LRMDA: variants seen among roughly 807,000 people sequenced by gnomAD.
The protein encoded by LRMDA is leucine rich melanocyte differentiation associated, also known as leucine-rich melanocyte differentiation-associated protein.
Under a neutral mutation model 29.8 loss-of-function variants are expected in LRMDA, and 18 were observed. The ratio of observed to expected loss-of-function variants is 0.60; its 90% CI spans 0.42 to 0.90. The LOEUF is 0.90. Ranked by LOEUF, LRMDA falls within the 40% of genes least tolerant of loss-of-function variation. The probability of loss-of-function intolerance (pLI) is 0.00; values close to 1 mark genes in which losing one functional copy is unlikely to be tolerated. For missense variants in LRMDA, 273 were observed against 273.9 expected (o/e 1.00, Z 0.02); for synonymous variants, 125 against 109.4 (o/e 1.14, Z -0.89).
intron 2 of LRMDA, among the ~76,000 whole-genome samples, chr10:75,856,304 G>A (rs1463386766): frequency 2.6e-5 from 4 of 152,022 alleles, no homozygotes; most frequent in African/African-American, 7.2e-5. Flanking sequence ...TGGATTCCTA[G>A]GTATTTTATT....
At chr10:76,426,062 T>TA (rs1441309532) in intron 6 of LRMDA, among the ~76,000 whole-genome samples, 1 of 152,206 alleles carries the variant, frequency 6.6e-6, no homozygotes, top group African/African-American at 2.4e-5. Context: ...CAAATAAACA[T>TA]ACGTGTGCAT....
intron 5 of LRMDA, among the ~76,000 whole-genome samples, chr10:76,084,345 G>A (rs1298065430): frequency 2.1e-5 from 3 of 144,560 alleles, no homozygotes; most frequent in African/African-American, 7.7e-5. Flanking sequence ...TTATGGGTAT[G>A]TGCCACTGCG....
intron 5 of LRMDA, among the ~76,000 whole-genome samples, chr10:76,075,602 C>T (rs570621244): frequency 2.0e-5 from 3 of 152,354 alleles, no homozygotes; most frequent in Non-Finnish European, 4.4e-5. Context: ...CAGCATCTAC[C>T]ATACTGAGCA....
At chr10:76,294,317 T>C (rs529835237) in intron 5 of LRMDA, among the ~76,000 whole-genome samples, 69 of 152,266 alleles carry the variant, frequency 4.5e-4, no homozygotes, top group African/African-American at 1.6e-3. Flanking sequence ...GCTTTGCTGA[T>C]TGCTCCAGAC....
At chr10:75,554,708 G>A (rs1481908392) in intron 2 of LRMDA, among the ~76,000 whole-genome samples, 3 of 152,174 alleles carry the variant, frequency 2.0e-5, no homozygotes, top group Non-Finnish European at 2.9e-5. Context: ...TTTTAGAGTT[G>A]TAGTGACCAA....
chr10:75,758,776 T>C (rs990079806), intron 2 of LRMDA, among the ~76,000 whole-genome samples: 4 of 152,282 alleles, frequency 2.6e-5, no homozygotes, highest in Admixed American at 2.6e-4. Flanking sequence ...TGTGGGGATT[T>C]TTGCCTTCTT....
intron 2 of LRMDA, among the ~76,000 whole-genome samples, chr10:75,795,086 G>A (rs892269463): frequency 7.2e-5 from 11 of 152,042 alleles, no homozygotes; most frequent in South Asian, 4.2e-4. Context: ...ATTAATTCTC[G>A]TGTAGGAGAG....
At chr10:75,950,629 C>G (rs1200598915) in intron 2 of LRMDA, among the ~76,000 whole-genome samples, 1 of 152,206 alleles carries the variant, frequency 6.6e-6, no homozygotes, top group Non-Finnish European at 1.5e-5. Flanking sequence ...TCTCTTTCTG[C>G]TAATTGAAGT....
At chr10:76,076,629 T>G (rs558887432) in intron 5 of LRMDA, among the ~76,000 whole-genome samples, 1 of 152,138 alleles carries the variant, frequency 6.6e-6, no homozygotes, top group Admixed American at 6.5e-5. Flanking sequence ...AAAGTGAAAG[T>G]GAGATCGAAC....
chr10:75,998,102 G>T (rs1847502790), intron 2 of LRMDA, among the ~76,000 whole-genome samples: 1 of 152,192 alleles, frequency 6.6e-6, no homozygotes, highest in African/African-American at 2.4e-5. Context: ...GGTAACTGTG[G>T]TGAAGTATGA....
rs528878060 is a variant in LRMDA at position 75,738,806 on chromosome 10, T to G, written c.132-297202T>G. On this transcript the variant is annotated intron_variant, in intron 2 of 6. Transcript: ENST00000611255. Reference sequence around the variant, plus strand: ...AGCAAATATGCTTGATTGCCAGAGGTGCTCACGTTGTGGTTTTTCCCTTCC... The same window carrying G: ...AGCAAATATGCTTGATTGCCAGAGGGGCTCACGTTGTGGTTTTTCCCTTCC... Among the ~76,000 whole-genome samples the G allele has an allele frequency of 7.9e-5, 12 of 152,284 alleles. No homozygotes were observed. The South Asian group carries it at 2.1e-3, about 26-fold the overall frequency.
At chr10:75,673,294 A>T (rs1413491902) in intron 2 of LRMDA, among the ~76,000 whole-genome samples, 1 of 152,210 alleles carries the variant, frequency 6.6e-6, no homozygotes, top group African/African-American at 2.4e-5. Context: ...GAAGAAATCT[A>T]AAAACTGCAT....
intron 2 of LRMDA, among the ~76,000 whole-genome samples, chr10:75,901,630 A>G (rs1202632253): frequency 6.6e-6 from 1 of 152,190 alleles, no homozygotes; most frequent in Non-Finnish European, 1.5e-5. Context: ...TACATCTTGC[A>G]CCAAGCTTCA....
intron 2 of LRMDA, among the ~76,000 whole-genome samples, chr10:75,805,715 T>A (rs1211722909): frequency 6.6e-6 from 1 of 152,216 alleles, no homozygotes. Flanking sequence ...TTCTACTTAA[T>A]GAACCTCTGT....
chr10:75,457,416 G>C lies in LRMDA; in HGVS notation c.131+18922G>C, dbSNP rs565696097. Among the ~76,000 whole-genome samples, 4 of 152,362 alleles carry C rather than the reference G, an allele frequency of 2.6e-5. No individual in the cohort carries two copies. The East Asian group carries it at 7.7e-4, about 29-fold the overall frequency. On this transcript the variant is annotated intron_variant, in intron 2 of 6. Transcript: ENST00000611255. ...TGGGATGTAGAAGTTGGCCATGCCA[G>C]AGTCTTTCAGGGAGGACAGCCAAGT...
intron 6 of LRMDA, among the ~76,000 whole-genome samples, chr10:76,485,149 A>G (rs542670373): frequency 6.6e-6 from 1 of 151,992 alleles, no homozygotes; most frequent in Admixed American, 6.6e-5. Context: ...TTACCGACAT[A>G]GTTGGATTAA....
chr10:75,788,963 C>A (rs1843521178), intron 2 of LRMDA, among the ~76,000 whole-genome samples: 1 of 152,192 alleles, frequency 6.6e-6, no homozygotes, highest in Admixed American at 6.5e-5. Context: ...CATTTGTGGA[C>A]AATAGCTTCT....
chr10:76,225,227 A>G (rs1851929060), intron 5 of LRMDA, among the ~76,000 whole-genome samples: 2 of 152,062 alleles, frequency 1.3e-5, no homozygotes, highest in South Asian at 2.1e-4. Flanking sequence ...CCTGGCCAAC[A>G]TGGTGAAACC....
At chr10:76,064,618 T>A (rs1041780921) in intron 5 of LRMDA, among the ~76,000 whole-genome samples, 2 of 152,236 alleles carry the variant, frequency 1.3e-5, no homozygotes, top group Non-Finnish European at 2.9e-5. Context: ...ACTGCGTATG[T>A]CTTTGATATC....
Sources: allele counts gnomAD v4.1 joint callset (sites outside exome capture counted in the v4.1 genomes callset), GRCh38; gene constraint gnomAD v4.1.1; transcripts MANE v1.5; gene names NCBI Gene and HGNC (gene_info 2026-07-23, HGNC 2026-07-21).